CRB1: variants seen among roughly 807,000 people sequenced by gnomAD.
CRB1 encodes the protein protein crumbs homolog 1.
Under a neutral mutation model 120.0 loss-of-function variants are expected in CRB1, and 83 were observed. The ratio of observed to expected loss-of-function variants is 0.69; its 90% CI spans 0.58 to 0.83. The LOEUF is 0.83. Among genes scored for constraint, CRB1 ranks in the 40% least tolerant of loss-of-function variants. The pLI is 0.00. For missense variants in CRB1, 1,699 were observed against 1,687.6 expected, an observed-to-expected ratio of 1.01 and a Z score of -0.12; for synonymous variants, 625 against 612.5, an observed-to-expected ratio of 1.02 and a Z score of -0.30.
At chr1:197,356,047 A>G (rs1429929361) in intron 4 of CRB1, among the ~76,000 whole-genome samples, 1 of 152,272 alleles carries the variant, frequency 6.6e-6, no homozygotes, top group Non-Finnish European at 1.5e-5. Context: ...TGGCACATCT[A>G]TATTCTGAAA....
the CRB1 span, chr1:197,222,601 A>T: frequency 2.6e-6 from 2 of 771,588 alleles, no homozygotes; most frequent in Non-Finnish European, 4.8e-6. Context: ...GCTCCTAGTG[A>T]GGAAAGAGTG....
At chr1:197,448,618 C>T (rs973302253) in intron 11 of CRB1, among the ~76,000 whole-genome samples, 2 of 152,176 alleles carry the variant, frequency 1.3e-5, no homozygotes, top group Non-Finnish European at 2.9e-5. Context: ...GTTCCTCCCA[C>T]CTAACCTGTC....
chr1:197,412,922 T>C (rs1663785165), intron 5 of CRB1, among the ~76,000 whole-genome samples: 1 of 152,210 alleles, frequency 6.6e-6, no homozygotes, highest in African/African-American at 2.4e-5. Flanking sequence ...CTCAGTTACC[T>C]GGCGATTATT....
chr1:197,348,291 G>A (rs1372772566), intron 4 of CRB1, among the ~76,000 whole-genome samples: 5 of 152,146 alleles, frequency 3.3e-5, no homozygotes, highest in Admixed American at 3.3e-4. Flanking sequence ...CTTCATGTGT[G>A]TTATTGTTGC....
chr1:197,306,613 A>T (rs1657189840), intron 1 of CRB1, among the ~76,000 whole-genome samples: 1 of 152,188 alleles, frequency 6.6e-6, no homozygotes, highest in East Asian at 1.9e-4. Context: ...CTCTGGGAAG[A>T]TAATTTTGTG....
At chr1:197,320,938 A>G (rs1658154311) in intron 1 of CRB1, among the ~76,000 whole-genome samples, 1 of 152,230 alleles carries the variant, frequency 6.6e-6, no homozygotes, top group East Asian at 1.9e-4. Flanking sequence ...TTAAGCTGCC[A>G]ATTCAAAACA....
intron 10 of CRB1, chr1:197,441,950 GTA>G: frequency 1.7e-6 from 1 of 591,386 alleles, no homozygotes; most frequent in Non-Finnish European, 3.0e-6. Context: ...GTGTGTATAT[GTA>G]TATATATGTG....
intron 5 of CRB1, among the ~76,000 whole-genome samples, chr1:197,388,987 A>C (rs1558101190): frequency 6.6e-6 from 1 of 152,168 alleles, no homozygotes; most frequent in African/African-American, 2.4e-5. Context: ...GAGGAATGCA[A>C]ATCAAAACCA....
intron 7 of CRB1, 77 bp from the exon 8 acceptor site, chr1:197,429,372 G>T (rs567161099): frequency 6.5e-7 from 1 of 1,529,818 alleles, no homozygotes; most frequent in African/African-American, 1.4e-5. Context: ...TAAAAAAACA[G>T]ATATGTGGTT....
At chr1:197,453,783 T>A (rs1203021143) in intron 11 of CRB1, among the ~76,000 whole-genome samples, 1 of 143,736 alleles carries the variant, frequency 7.0e-6, no homozygotes, top group Admixed American at 7.3e-5. Flanking sequence ...TTATTATTAT[T>A]ATATTATTAA....
At chr1:197,438,699 G>T in intron 10 of CRB1, 24 bp downstream of exon 10, 1 of 1,610,184 alleles carries the variant, frequency 6.2e-7, no homozygotes, top group Non-Finnish European at 8.5e-7. Flanking sequence ...GAGCCTTCTG[G>T]AAGAGAATTC....
intron 7 of CRB1, chr1:197,429,205 C>A: frequency 6.7e-7 from 1 of 1,501,862 alleles, no homozygotes; most frequent in Non-Finnish European, 8.9e-7. Context: ...AAAAACCCTC[C>A]TTGTGCTATG....
chr1:197,258,408 G>C, the CRB1 span, among the ~76,000 whole-genome samples: 1 of 152,046 alleles, frequency 6.6e-6, no homozygotes, highest in Non-Finnish European at 1.5e-5. Context: ...TGCACTTACT[G>C]TCTCTACTTG....
chr1:197,389,682 C>A (rs1571453056), intron 5 of CRB1, among the ~76,000 whole-genome samples: 2 of 151,562 alleles, frequency 1.3e-5, no homozygotes, highest in Middle Eastern at 3.4e-3. Flanking sequence ...GATGAAATGT[C>A]AATTTTATGT....
chr1:197,371,529 G>A (rs938366178), intron 5 of CRB1, among the ~76,000 whole-genome samples: 2 of 152,044 alleles, frequency 1.3e-5, no homozygotes, highest in African/African-American at 2.4e-5. Context: ...GTATCTTCCT[G>A]CCACCAAAAG....
At chr1:197,472,001 T>C (rs1284702408) in intron 11 of CRB1, among the ~76,000 whole-genome samples, 1 of 152,210 alleles carries the variant, frequency 6.6e-6, no homozygotes, top group African/African-American at 2.4e-5. Context: ...AGATGGAAGA[T>C]AAATATTCCA....
Position 197,414,427 on chromosome 1 carries a change from T to C in CRB1, c.1172-6573T>C, listed in dbSNP as rs553278898. ...TAAAGTCTACGTTCCTTTTATCCAT[T>C]AATATGATTTATTCTCAAGGAAATA... On this transcript the variant is annotated intron_variant, in intron 5 of 11. Coordinates refer to ENST00000367400, the MANE Select transcript of CRB1 (RefSeq NM_201253.3). Among the ~76,000 whole-genome samples the C allele has an allele frequency of 4.2e-3, 645 of 152,270 alleles. 4 individuals carry two copies. Among genetic ancestry groups the C allele is most frequent in the African/African-American group, 0.014 (562 of 41,592 alleles).
chr1:197,260,953 C>T, the CRB1 span, among the ~76,000 whole-genome samples: 1 of 152,088 alleles, frequency 6.6e-6, no homozygotes, highest in Non-Finnish European at 1.5e-5. Flanking sequence ...CCTTGGCCTC[C>T]CAAAGTGCTG....
At chr1:197,359,234 C>T (rs74400266) in intron 5 of CRB1, among the ~76,000 whole-genome samples, 1 of 152,136 alleles carries the variant, frequency 6.6e-6, no homozygotes, top group Non-Finnish European at 1.5e-5. Flanking sequence ...TCCTTCCCTG[C>T]CTCCTCATCC....
Sources: gnomAD v4.1 joint callset for allele counts (sites outside exome capture counted in the v4.1 genomes callset) on GRCh38, gnomAD v4.1.1 for gene constraint, MANE v1.5 for transcripts, NCBI Gene and HGNC (gene_info 2026-07-23, HGNC 2026-07-21) for gene names.